NEDD4L: variants seen among roughly 807,000 people sequenced by gnomAD.
NEDD4L encodes NEDD4 like E3 ubiquitin protein ligase, also known as E3 ubiquitin-protein ligase NEDD4-like.
Under a neutral mutation model 148.9 loss-of-function variants are expected in NEDD4L, and 54 were observed. The observed-to-expected ratio is 0.36, with a 90% CI of 0.29 to 0.45. The LOEUF (loss-of-function observed/expected upper bound fraction) is 0.45. Ranked by LOEUF, NEDD4L falls within the 20% of genes least tolerant of loss-of-function variation. The pLI is 1.00. For synonymous variants in NEDD4L, 433 were observed against 440.7 expected (o/e 0.98, Z 0.22); for missense variants, 856 against 1,233.8 (o/e 0.69, Z 4.59).
chr18:58,127,443 C>T (rs549198516), intron 1 of NEDD4L, among the ~76,000 whole-genome samples: 1 of 152,250 alleles, frequency 6.6e-6, no homozygotes, highest in South Asian at 2.1e-4. Flanking sequence ...CGGTGGCCCA[C>T]ACCTGTAATC....
At position 58,248,879 on chromosome 18, in the gene NEDD4L, C is replaced by T; in HGVS notation, c.205-20C>T. ...ATGTTTGAAAGACTAAAAGATACTA[C>T]AAGATAATTTCTCTTCCAGACACTG... On this transcript the variant is annotated intron_variant, in intron 3 of 30. Coordinates refer to ENST00000400345, the MANE Select transcript of NEDD4L (RefSeq NM_001144967.3). 1 of 1,367,668 alleles carries T rather than the reference C, an allele frequency of 7.3e-7. No homozygotes were observed. The highest frequency in any genetic ancestry group is 1.3e-5 in the South Asian group (1 of 79,830). 84.7% of individuals were successfully genotyped at this position (1,367,668 alleles called of 1,614,324 possible).
chr18:58,296,224 T>C (rs1167105595), intron 5 of NEDD4L, among the ~76,000 whole-genome samples: 2 of 152,156 alleles, frequency 1.3e-5, no homozygotes, highest in Middle Eastern at 3.2e-3. Context: ...AAGGAGATTG[T>C]CCCATGCAAT....
At chr18:58,070,220 G>A (rs1436315134) in intron 1 of NEDD4L, among the ~76,000 whole-genome samples, 1 of 152,000 alleles carries the variant, frequency 6.6e-6, no homozygotes, top group African/African-American at 2.4e-5. Context: ...TGCTAATTGA[G>A]GCCAAGTGGC....
chr18:58,184,648 T>C (rs2039241913), intron 2 of NEDD4L, among the ~76,000 whole-genome samples: 1 of 151,934 alleles, frequency 6.6e-6, no homozygotes, highest in South Asian at 2.1e-4. Context: ...TGTTCTCCTG[T>C]CTGGGCGTGG....
chr18:58,387,133 C>T (rs763471587), intron 26 of NEDD4L, among the ~76,000 whole-genome samples: 3 of 152,354 alleles, frequency 2.0e-5, no homozygotes, highest in South Asian at 4.1e-4. Flanking sequence ...TTAGGACGCA[C>T]TGACTCACAG....
At chr18:58,221,626 A>G in intron 2 of NEDD4L, 6 of 985,410 alleles carry the variant, frequency 6.1e-6, no homozygotes, top group Non-Finnish European at 6.0e-6. Flanking sequence ...GTGTACGGGC[A>G]CTGCTTTAAA....
chr18:58,307,306 A>G (rs2057186301), intron 5 of NEDD4L, among the ~76,000 whole-genome samples: 1 of 151,686 alleles, frequency 6.6e-6, no homozygotes. Flanking sequence ...CACTAGCAGG[A>G]CTCCAGCTTG....
Position 58,256,253 on chromosome 18 carries a change from A to G in NEDD4L, c.297+4199A>G. On this transcript the variant is annotated intron_variant, in intron 5 of 30. Transcript: ENST00000400345. This position sits in a 1 kb window ranked among gnomAD's most constrained non-coding sequence, Gnocchi z 5.2. ...CTCCAGCGCCGACGTGCGCCAGGTG[A>G]GGCTGCTGCCCCTGGGCCCCGATGG... is the stretch of plus-strand genomic sequence containing the variant. 8.1e-7 allele frequency: 1 copy of G among 1,230,648 alleles called. No homozygotes were observed. The highest frequency in any genetic ancestry group is 1.0e-6 in the Non-Finnish European group (1 of 987,296). 76.2% of individuals were successfully genotyped at this position (1,230,648 alleles called of 1,614,324 possible).
chr18:58,268,704 G>T (rs553824053), intron 5 of NEDD4L, among the ~76,000 whole-genome samples: 1 of 152,042 alleles, frequency 6.6e-6, no homozygotes, highest in Admixed American at 6.6e-5. Context: ...TCTTTAGAAC[G>T]TGGATTTAAA....
rs2144326212 is a variant in NEDD4L, at chr18:58,044,713, G to A, written c.48+5G>A. 6.2e-7 allele frequency: 1 copy of A among 1,606,024 alleles called. No individual in the cohort carries two copies. Among genetic ancestry groups the A allele is most frequent in the Non-Finnish European group, 8.5e-7 (1 of 1,176,314 alleles). ...TATGGACTTTCCGAAGACGAGGTGA[G>A]TGGCACCCCCTTCCTGCTCGGGACT... On this transcript the variant is annotated splice_donor_5th_base_variant and intron_variant, in intron 1 of 30. Coordinates refer to ENST00000400345, the MANE Select transcript of NEDD4L (RefSeq NM_001144967.3).
chr18:58,208,310 A>G (rs1048540876), intron 2 of NEDD4L, among the ~76,000 whole-genome samples: 2 of 152,234 alleles, frequency 1.3e-5, no homozygotes, highest in Non-Finnish European at 2.9e-5. Flanking sequence ...TAACTAACAG[A>G]TAAATTATTA....
chr18:58,341,544 A>G, intron 14 of NEDD4L, 134 bp from the exon 15 acceptor site: 1 of 920,044 alleles, frequency 1.1e-6, no homozygotes. Flanking sequence ...ATTATGTTTA[A>G]TTATTTCCTC....
chr18:58,311,434 T>G (rs553542051), intron 5 of NEDD4L, among the ~76,000 whole-genome samples: 52 of 152,308 alleles, frequency 3.4e-4, no homozygotes, highest in Middle Eastern at 3.4e-3. Flanking sequence ...CGATCATAGC[T>G]CCTTGCACCC....
chr18:58,394,152 T>C (rs1368990644), intron 30 of NEDD4L, among the ~76,000 whole-genome samples: 1 of 152,210 alleles, frequency 6.6e-6, no homozygotes, highest in Admixed American at 6.5e-5. Flanking sequence ...TCTGAAATGA[T>C]AGGAACTCAC....
chr18:58,261,047 G>A (rs947644595), intron 5 of NEDD4L, among the ~76,000 whole-genome samples: 4 of 152,128 alleles, frequency 2.6e-5, no homozygotes, highest in Non-Finnish European at 5.9e-5. Flanking sequence ...AGGTTAATTA[G>A]GTTAATTGTG....
At chr18:58,392,654 C>A (rs2049990817) in intron 30 of NEDD4L, among the ~76,000 whole-genome samples, 1 of 152,118 alleles carries the variant, frequency 6.6e-6, no homozygotes, top group Non-Finnish European at 1.5e-5. Context: ...ATATTCAGAG[C>A]AGTCATTGTC....
At chr18:58,310,531 G>C (rs140748758) in intron 5 of NEDD4L, among the ~76,000 whole-genome samples, 6 of 152,294 alleles carry the variant, frequency 3.9e-5, no homozygotes, top group Non-Finnish European at 8.8e-5. Flanking sequence ...TAATTTCAGT[G>C]ACATATTTTG....
chr18:58,290,060 C>T (rs17064700), intron 5 of NEDD4L, among the ~76,000 whole-genome samples: 2,956 of 152,282 alleles, frequency 0.019, 86 homozygotes, highest in African/African-American at 0.057. Context: ...CAACTACTGA[C>T]GATTCAATGA....
intron 1 of NEDD4L, among the ~76,000 whole-genome samples, chr18:58,160,858 C>T (rs2036110669): frequency 6.6e-6 from 1 of 152,152 alleles, no homozygotes; most frequent in Non-Finnish European, 1.5e-5. Context: ...AGTAAAATTT[C>T]CTGCAACAGG....
Sources: allele counts gnomAD v4.1 joint callset (sites outside exome capture counted in the v4.1 genomes callset), GRCh38; gene constraint gnomAD v4.1.1; non-coding constraint Gnocchi (gnomAD v3.1); transcripts MANE v1.5; gene names NCBI Gene and HGNC (gene_info 2026-07-23, HGNC 2026-07-21).